GPC6: variants seen among roughly 807,000 people sequenced by gnomAD.
GPC6 encodes glypican-6.
In GPC6, 14 loss-of-function variants were observed where a neutral mutation model predicts 55.2. The ratio of observed to expected loss-of-function variants is 0.25; its 90% CI spans 0.17 to 0.40. The LOEUF (loss-of-function observed/expected upper bound fraction) is 0.40. GPC6 is among the 10% of genes least tolerant of loss of function. The probability of loss-of-function intolerance (pLI) is 1.00; values close to 1 mark genes in which losing one functional copy is unlikely to be tolerated. For missense variants in GPC6, 641 were observed against 708.5 expected, an observed-to-expected ratio of 0.90 and a Z score of 1.08; for synonymous variants, 278 against 259.6, an observed-to-expected ratio of 1.07 and a Z score of -0.68.
At chr13:93,605,028 G>A (rs1878179844) in intron 2 of GPC6, among the ~76,000 whole-genome samples, 1 of 152,162 alleles carries the variant, frequency 6.6e-6, no homozygotes, top group Non-Finnish European at 1.5e-5. Context: ...GGGAAAAGAA[G>A]AAATGGCAAT....
intron 2 of GPC6, among the ~76,000 whole-genome samples, chr13:93,754,716 T>C (rs1002613677): frequency 6.6e-6 from 1 of 150,432 alleles, no homozygotes; most frequent in Non-Finnish European, 1.5e-5. Flanking sequence ...AAAAAAAAAC[T>C]AAAATCGATG....
At chr13:93,298,836 C>G (rs930624723) in intron 1 of GPC6, among the ~76,000 whole-genome samples, 1 of 151,410 alleles carries the variant, frequency 6.6e-6, no homozygotes, top group Non-Finnish European at 1.5e-5. Context: ...ATCTCTCAAG[C>G]TTTCTCTGAT....
chr13:93,623,455 C>CTTTTTTTTTTTTTTTTTTTTTTTTTTTT (rs567830011), intron 2 of GPC6, among the ~76,000 whole-genome samples: 1 of 116,194 alleles, frequency 8.6e-6, no homozygotes, highest in African/African-American at 3.4e-5. Flanking sequence ...CTTTTCTTTT[C>CTTTTTTTTTTTTTTTTTTTTTTTTTTTT]TTTTTTTTTT....
chr13:93,737,913 G>A (rs553369096), intron 2 of GPC6, among the ~76,000 whole-genome samples: 11 of 152,016 alleles, frequency 7.2e-5, no homozygotes, highest in East Asian at 1.9e-4. Flanking sequence ...AAAAGTACTC[G>A]GAATTATGCA....
At chr13:93,848,396 G>A (rs910218538) in intron 3 of GPC6, among the ~76,000 whole-genome samples, 6 of 151,670 alleles carry the variant, frequency 4.0e-5, no homozygotes, top group Middle Eastern at 3.4e-3. Context: ...TCCCTTTCCC[G>A]TGCCTTGGTT....
At chr13:93,243,165 G>C (rs113753313) in intron 1 of GPC6, among the ~76,000 whole-genome samples, 124 of 152,312 alleles carry the variant, frequency 8.1e-4, no homozygotes, top group African/African-American at 2.9e-3. Flanking sequence ...GCAAGGGCTA[G>C]AGATGCCAAG....
intron 4 of GPC6, among the ~76,000 whole-genome samples, chr13:94,089,607 A>G (rs1885407958): frequency 8.9e-6 from 1 of 112,570 alleles, no homozygotes; most frequent in African/African-American, 3.3e-5. Context: ...TTTACCCTGT[A>G]TTTGGGTGAA....
At chr13:94,124,559 G>A (rs1408453565) in intron 4 of GPC6, among the ~76,000 whole-genome samples, 4 of 152,042 alleles carry the variant, frequency 2.6e-5, no homozygotes, top group Admixed American at 2.0e-4. Context: ...CTGGGGGATA[G>A]AGGAGAGGTA....
At position 94,363,504 on chromosome 13, in the gene GPC6, A is replaced by G. The variant is rs988322964; in HGVS notation, c.1153-18910A>G. Among the ~76,000 whole-genome samples the G allele has an allele frequency of 2.0e-5, 3 of 152,214 alleles. No individual in the cohort carries two copies. The South Asian group carries it at 6.2e-4, about 32-fold the overall frequency. On this transcript the variant is annotated intron_variant, in intron 6 of 8. Transcript: ENST00000377047. The stretch of plus-strand genomic sequence containing the variant: ...GAAAAATGAGTTCTGTTGATTTGAA[A>G]TGCAACCTACTCAAAAAGTTCAGAA...
chr13:94,060,223 T>C (rs1884272995), intron 4 of GPC6, among the ~76,000 whole-genome samples: 1 of 152,190 alleles, frequency 6.6e-6, no homozygotes, highest in Non-Finnish European at 1.5e-5. Flanking sequence ...GCTGGTACCA[T>C]GCTCCTCTGC....
chr13:94,316,674 G>A (rs1424012642), intron 6 of GPC6, among the ~76,000 whole-genome samples: 2 of 144,324 alleles, frequency 1.4e-5, no homozygotes, highest in East Asian at 2.0e-4. Context: ...CCGAGATCCC[G>A]CCACTGCACT....
chr13:94,394,502 G>A (rs989379199), intron 7 of GPC6, among the ~76,000 whole-genome samples: 1 of 152,198 alleles, frequency 6.6e-6, no homozygotes, highest in African/African-American at 2.4e-5. Context: ...GAATAACATT[G>A]TGGGCTCAAA....
intron 2 of GPC6, among the ~76,000 whole-genome samples, chr13:93,705,605 T>C (rs1882822228): frequency 6.6e-6 from 1 of 151,706 alleles, no homozygotes; most frequent in Non-Finnish European, 1.5e-5. Context: ...TTTTGCAAGA[T>C]AGATGAGCCA....
intron 4 of GPC6, among the ~76,000 whole-genome samples, chr13:94,071,105 A>G (rs1334772489): frequency 6.6e-6 from 1 of 152,210 alleles, no homozygotes; most frequent in Non-Finnish European, 1.5e-5. Flanking sequence ...CATGCCTGGC[A>G]TGTGCCATCT....
At chr13:93,488,289 G>T (rs1182098847) in intron 1 of GPC6, among the ~76,000 whole-genome samples, 2 of 152,174 alleles carry the variant, frequency 1.3e-5, no homozygotes, top group African/African-American at 4.8e-5. Context: ...TCCCTACAAA[G>T]GATGTGAACT....
At position 94,328,198 on chromosome 13, in the gene GPC6, T is replaced by TGG. The variant is rs200907402; in HGVS notation, c.1152+22078_1152+22079dup. ...CCCAGGGCCACACTAAGTCAGCCAG[T>TGG]GGGGTACAGGGGACAGCAAATCTGT... On this transcript the variant is annotated intron_variant, in intron 6 of 8. Transcript: ENST00000377047. 6.1e-3 allele frequency among the ~76,000 whole-genome samples: 923 copies of TGG among 152,236 alleles called. 16 individuals are homozygous for TGG. The highest frequency in any genetic ancestry group is 0.021 in the African/African-American group (867 of 41,536).
At chr13:94,387,224 C>T (rs1880449149) in intron 7 of GPC6, among the ~76,000 whole-genome samples, 1 of 152,102 alleles carries the variant, frequency 6.6e-6, no homozygotes, top group African/African-American at 2.4e-5. Flanking sequence ...GTCACTCCAC[C>T]CTCACCCATC....
intron 2 of GPC6, among the ~76,000 whole-genome samples, chr13:93,669,476 T>G (rs553436723): frequency 6.6e-6 from 1 of 152,286 alleles, no homozygotes; most frequent in East Asian, 1.9e-4. Context: ...GTCAATTCGC[T>G]TGGTACCTCT....
At chr13:93,756,448 G>C (rs9524195) in intron 2 of GPC6, among the ~76,000 whole-genome samples, 3,246 of 152,240 alleles carry the variant, frequency 0.021, 36 homozygotes, top group Non-Finnish European at 0.03. Context: ...AGCTGAGCTA[G>C]CTTTCTTGTG....
Sources: allele counts gnomAD v4.1 joint callset (sites outside exome capture counted in the v4.1 genomes callset), GRCh38; gene constraint gnomAD v4.1.1; transcripts MANE v1.5; gene names NCBI Gene and HGNC (gene_info 2026-07-23, HGNC 2026-07-21).